DIAPH2: variants seen among roughly 807,000 people sequenced by gnomAD.
The protein encoded by DIAPH2 is diaphanous related formin 2.
DIAPH2 carries 35 observed loss-of-function variants against 92.7 expected under a neutral mutation model. That is an observed-to-expected ratio of 0.38 (90% confidence interval 0.29 to 0.50). The LOEUF is 0.50. Among genes scored for constraint, DIAPH2 ranks in the 20% least tolerant of loss-of-function variants. The pLI, the probability that DIAPH2 is intolerant of heterozygous loss-of-function variation, is 0.94. For missense variants in DIAPH2, 701 were observed against 819.5 expected (o/e 0.86, Z 1.77); for synonymous variants, 301 against 280.4 (o/e 1.07, Z -0.73).
intron 24 of DIAPH2, among the ~76,000 whole-genome samples, chrX:97,379,250 A>G (rs2069530644): frequency 9.0e-6 from 1 of 111,677 alleles, no homozygotes; most frequent in African/African-American, 3.3e-5. Context: ...GTATATTTCC[A>G]GTCATAGATT....
intron 4 of DIAPH2, among the ~76,000 whole-genome samples, chrX:96,844,643 G>C (rs1279373162): frequency 8.9e-6 from 1 of 112,147 alleles, no homozygotes; most frequent in Non-Finnish European, 1.9e-5. Context: ...GTTTTAATCA[G>C]TCCAATTTCC....
At chrX:96,889,386 TGA>T (rs1354925685) in intron 5 of DIAPH2, among the ~76,000 whole-genome samples, 2 of 111,944 alleles carry the variant, frequency 1.8e-5, no homozygotes, top group East Asian at 5.6e-4. Flanking sequence ...CCATTGTGGA[TGA>T]TACTTCTAGT....
chrX:97,214,421 A>G (rs1045992118), intron 22 of DIAPH2, among the ~76,000 whole-genome samples: 9 of 109,924 alleles, frequency 8.2e-5, no homozygotes, highest in African/African-American at 3.0e-4. Context: ...GTGAGCTACA[A>G]TTGTGACACT....
At position 97,469,609 on chromosome X, in the gene DIAPH2, T is replaced by C; in HGVS notation, c.3241+39864T>C. On this transcript the variant is annotated intron_variant, in intron 26 of 26. Coordinates refer to ENST00000324765, the MANE Select transcript of DIAPH2 (RefSeq NM_006729.5). ...ATTATAAATGAGCTGTTTATGGTTT[T>C]GTCTTATTCAGTGTTCTAGGTGCAT... The C allele has an allele frequency of 3.4e-6, 3 of 872,808 alleles. No homozygotes were observed. In the Admixed American group the frequency reaches 8.4e-5, roughly 24 times the overall value. The allele number at this position is 872,808 out of a possible 1,213,427, so 71.9% of individuals were successfully genotyped here.
rs1310684103 is a variant in DIAPH2, at chrX:97,281,062, G to A, written c.2844+33223G>A. On this transcript the variant is annotated intron_variant, in intron 23 of 26. Coordinates refer to ENST00000324765, the MANE Select transcript of DIAPH2 (RefSeq NM_006729.5). ...TAAACTGAAAGATTTTCTACTTTTT[G>A]CATCATGATACGTTTTCTTTAAACC... Among the ~76,000 whole-genome samples the A allele has an allele frequency of 4.5e-5, 5 of 111,902 alleles. No homozygotes were observed. In the Admixed American group the frequency reaches 4.7e-4, roughly 11 times the overall value.
At chrX:96,884,316 T>C in intron 5 of DIAPH2, 1 of 1,206,099 alleles carries the variant, frequency 8.3e-7, no homozygotes, top group African/African-American at 1.7e-5. Flanking sequence ...TGAAGATGAG[T>C]AAGAGTGGGT....
At chrX:97,308,002 T>C (rs915290867) in intron 23 of DIAPH2, among the ~76,000 whole-genome samples, 1 of 110,867 alleles carries the variant, frequency 9.0e-6, no homozygotes, top group Non-Finnish European at 1.9e-5. Context: ...TTGTTTCTAC[T>C]GAGTATGTTT....
rs140911416 is a variant in DIAPH2 at position 96,872,347 on chromosome X, A to G, written c.448-9232A>G. 6.8e-3 allele frequency among the ~76,000 whole-genome samples: 756 copies of G among 111,679 alleles called. 9 individuals carry two copies. The highest frequency in any genetic ancestry group is 0.024 in the African/African-American group (728 of 30,753). Reference sequence around the variant, plus strand: ...AATTTTTGCTCCCACAAATGAGAACATGAGATGTTTGTCTTTCTTTGCCTG... The same window carrying G: ...AATTTTTGCTCCCACAAATGAGAACGTGAGATGTTTGTCTTTCTTTGCCTG... On this transcript the variant is annotated intron_variant, in intron 4 of 26. Coordinates refer to ENST00000324765, the MANE Select transcript of DIAPH2 (RefSeq NM_006729.5).
intron 17 of DIAPH2, among the ~76,000 whole-genome samples, chrX:97,006,579 C>T (rs2066184107): frequency 8.9e-6 from 1 of 112,126 alleles, no homozygotes; most frequent in African/African-American, 3.2e-5. Flanking sequence ...TTTGTCTACT[C>T]CTGCTCTTTT....
At chrX:96,815,003 G>C (rs948900202) in intron 4 of DIAPH2, among the ~76,000 whole-genome samples, 1 of 112,331 alleles carries the variant, frequency 8.9e-6, no homozygotes, top group African/African-American at 3.2e-5. Flanking sequence ...CCCACTTGAG[G>C]AGGCAGTCTG....
chrX:96,736,030 T>A (rs2147567339), intron 2 of DIAPH2, among the ~76,000 whole-genome samples: 1 of 112,005 alleles, frequency 8.9e-6, no homozygotes, highest in South Asian at 3.7e-4. Context: ...AAATGTTTTT[T>A]AAAATCTTGT....
chrX:97,211,838 G>A (rs1014036111), intron 22 of DIAPH2, among the ~76,000 whole-genome samples: 2 of 111,762 alleles, frequency 1.8e-5, no homozygotes, highest in African/African-American at 6.5e-5. Flanking sequence ...TCTTGGGTTC[G>A]AAGGTTCTCA....
intron 26 of DIAPH2, among the ~76,000 whole-genome samples, chrX:97,577,530 C>T (rs1330696107): frequency 2.7e-5 from 3 of 111,671 alleles, no homozygotes; most frequent in African/African-American, 6.5e-5. Context: ...GAAAGATCAG[C>T]GAAGGCTAGA....
rs747637594 is a variant in DIAPH2, at chrX:96,755,741, A to T, written c.343-2413A>T. On this transcript the variant is annotated intron_variant, in intron 3 of 26. Coordinates refer to ENST00000324765, the MANE Select transcript of DIAPH2 (RefSeq NM_006729.5). ...TCAAAAAAAAAAATAGAATGCTCAG[A>T]ATTTCTGTAAGAGTAAAGGGATAAA... 5.4e-5 allele frequency among the ~76,000 whole-genome samples: 6 copies of T among 111,630 alleles called. No homozygotes were observed. In the South Asian group the frequency reaches 1.9e-3, roughly 35 times the overall value.
At chrX:97,176,914 C>T (rs1038208901) in intron 22 of DIAPH2, among the ~76,000 whole-genome samples, 10 of 111,833 alleles carry the variant, frequency 8.9e-5, no homozygotes, top group African/African-American at 2.9e-4. Flanking sequence ...TTGCATATAA[C>T]CTATGCACAT....
rs188459567 is a variant in DIAPH2, at chrX:97,335,594, G to T, written c.2845-12522G>T. ...ATGGCAATCTTAATAGTTATGTATTGCCTAACACCTGTTATTTTTTAACTG... is the reference window on the plus strand; with the variant it reads ...ATGGCAATCTTAATAGTTATGTATTTCCTAACACCTGTTATTTTTTAACTG... On this transcript the variant is annotated intron_variant, in intron 23 of 26. Coordinates refer to ENST00000324765, the MANE Select transcript of DIAPH2 (RefSeq NM_006729.5). 1.5e-4 allele frequency among the ~76,000 whole-genome samples: 17 copies of T among 111,718 alleles called. No individual in the cohort carries two copies. The South Asian group carries it at 1.9e-3, about 12-fold the overall frequency.
chrX:97,431,153 G>A (rs2070122823), intron 26 of DIAPH2: 1 of 111,900 alleles, frequency 8.9e-6, no homozygotes, highest in South Asian at 3.8e-4. Context: ...CTTATCCGCA[G>A]CCTTTGTCTG....
At chrX:97,061,841 ATT>A (rs1341254268) in intron 17 of DIAPH2, among the ~76,000 whole-genome samples, 5 of 101,603 alleles carry the variant, frequency 4.9e-5, no homozygotes, top group Non-Finnish European at 1.0e-4. Flanking sequence ...AAAAACGCTC[ATT>A]TTTAACTGCT....
chrX:97,179,429 C>A (rs931950517), intron 22 of DIAPH2, among the ~76,000 whole-genome samples: 2 of 110,095 alleles, frequency 1.8e-5, no homozygotes, highest in African/African-American at 3.3e-5. Context: ...TCTCATTGTT[C>A]AGCTCCCACT....
Sources: allele counts gnomAD v4.1 joint callset (sites outside exome capture counted in the v4.1 genomes callset), GRCh38; gene constraint gnomAD v4.1.1; transcripts MANE v1.5; gene names NCBI Gene and HGNC (gene_info 2026-07-23, HGNC 2026-07-21).